The following CNTN5 variants were observed in gnomAD, a reference collection of about 807,000 sequenced individuals.
CNTN5 encodes the protein contactin-5.
In CNTN5, 77 loss-of-function variants were observed where a neutral mutation model predicts 129.1. That is an observed-to-expected ratio of 0.60 (90% CI 0.50 to 0.72). The LOEUF is 0.72. Among genes scored for constraint, CNTN5 ranks in the 30% least tolerant of loss-of-function variants. The pLI is 0.00. For synonymous variants in CNTN5, 509 were observed against 465.6 expected (o/e 1.09, Z -1.20); for missense variants, 1,478 against 1,328.8 (o/e 1.11, Z -1.75).
At chr11:100,310,859 G>A (rs1951457094) in intron 21 of CNTN5, among the ~76,000 whole-genome samples, 2 of 151,934 alleles carry the variant, frequency 1.3e-5, no homozygotes, top group Non-Finnish European at 2.9e-5. Flanking sequence ...AGAATAGGAA[G>A]TGAATGATTT....
chr11:99,973,630 T>G (rs1937732324), intron 8 of CNTN5, among the ~76,000 whole-genome samples: 1 of 152,218 alleles, frequency 6.6e-6, no homozygotes, highest in Admixed American at 6.5e-5. Context: ...CTCTCTGCAC[T>G]AATTCTCACG....
intron 1 of CNTN5, among the ~76,000 whole-genome samples, chr11:99,107,938 T>TAAAAAAAAA (rs55786739): frequency 9.7e-5 from 10 of 103,520 alleles, no homozygotes; most frequent in Non-Finnish European, 1.2e-4. Flanking sequence ...CTCAAAAAAG[T>TAAAAAAAAA]AAAAAAAAAA....
intron 1 of CNTN5, among the ~76,000 whole-genome samples, chr11:99,207,812 C>T (rs1859559480): frequency 6.6e-6 from 1 of 152,138 alleles, no homozygotes; most frequent in Non-Finnish European, 1.5e-5. Flanking sequence ...TGGCTGTCTA[C>T]ATCTTAGCAT....
chr11:100,341,360 T>C (rs1266818605), intron 23 of CNTN5, among the ~76,000 whole-genome samples, 155 bp downstream of exon 23: 1 of 152,142 alleles, frequency 6.6e-6, no homozygotes, highest in Non-Finnish European at 1.5e-5. Flanking sequence ...TTCCTATAGA[T>C]AGAGAAGCCA....
At chr11:99,039,136 T>G (rs899401946) in intron 1 of CNTN5, among the ~76,000 whole-genome samples, 1 of 152,122 alleles carries the variant, frequency 6.6e-6, no homozygotes, top group African/African-American at 2.4e-5. Flanking sequence ...AGTCCATTAA[T>G]TCAATTTCAT....
At chr11:99,348,180 A>C (rs1046727811) in intron 2 of CNTN5, among the ~76,000 whole-genome samples, 2 of 152,188 alleles carry the variant, frequency 1.3e-5, no homozygotes, top group Non-Finnish European at 2.9e-5. Context: ...TCTACTAAAA[A>C]TACAAAAAAT....
chr11:99,213,445 T>C (rs1428035008), intron 1 of CNTN5, among the ~76,000 whole-genome samples: 2 of 140,840 alleles, frequency 1.4e-5, no homozygotes, highest in African/African-American at 2.9e-5. Context: ...TATATACACA[T>C]ATATGTATAT....
At chr11:99,176,566 C>A (rs551791864) in intron 1 of CNTN5, among the ~76,000 whole-genome samples, 2 of 152,300 alleles carry the variant, frequency 1.3e-5, no homozygotes, top group African/African-American at 4.8e-5. Context: ...CTCCACATGT[C>A]CAGTTGAGAG....
chr11:99,649,760 G>A (rs1431577897), intron 3 of CNTN5, among the ~76,000 whole-genome samples: 3 of 151,656 alleles, frequency 2.0e-5, no homozygotes, highest in African/African-American at 7.2e-5. Flanking sequence ...TTCCTACAGA[G>A]CAAATAGTTT....
At chr11:99,470,925 T>C (rs1171519201) in intron 2 of CNTN5, among the ~76,000 whole-genome samples, 3 of 152,098 alleles carry the variant, frequency 2.0e-5, no homozygotes, top group Non-Finnish European at 2.9e-5. Context: ...AAAAGTTAGG[T>C]AGATCTTATT....
intron 3 of CNTN5, among the ~76,000 whole-genome samples, chr11:99,711,195 A>G (rs1954973070): frequency 6.6e-6 from 1 of 151,934 alleles, no homozygotes; most frequent in South Asian, 2.1e-4. Flanking sequence ...TTGTGTAGAA[A>G]GGTAATGTTG....
intron 3 of CNTN5, among the ~76,000 whole-genome samples, chr11:99,676,549 C>G (rs1375809487): frequency 6.6e-6 from 1 of 152,186 alleles, no homozygotes; most frequent in Non-Finnish European, 1.5e-5. Flanking sequence ...AATAAAATTT[C>G]AAGGGCTTCT....
intron 1 of CNTN5, among the ~76,000 whole-genome samples, chr11:99,236,761 C>T (rs2135744772): frequency 6.6e-6 from 1 of 152,162 alleles, no homozygotes; most frequent in African/African-American, 2.4e-5. Context: ...AGTAACTGCT[C>T]ACTATTTTTA....
At chr11:99,657,085 A>C (rs1477620421) in intron 3 of CNTN5, among the ~76,000 whole-genome samples, 1 of 151,244 alleles carries the variant, frequency 6.6e-6, no homozygotes, top group East Asian at 1.9e-4. Context: ...AAAAAGAGAA[A>C]AAAAATAAAT....
chr11:100,011,798 G>C (rs779419779), intron 9 of CNTN5, among the ~76,000 whole-genome samples: 1 of 152,084 alleles, frequency 6.6e-6, no homozygotes, highest in Non-Finnish European at 1.5e-5. Flanking sequence ...TATTTTTGCT[G>C]TAGTTTATGT....
chr11:99,543,226 C>A (rs1948172567), intron 2 of CNTN5, among the ~76,000 whole-genome samples: 1 of 152,140 alleles, frequency 6.6e-6, no homozygotes, highest in African/African-American at 2.4e-5. Flanking sequence ...TCTTGGACTT[C>A]AGAAATGAAG....
chr11:100,305,880 A>T (rs1240916018), intron 20 of CNTN5, among the ~76,000 whole-genome samples: 1 of 151,252 alleles, frequency 6.6e-6, no homozygotes, highest in Admixed American at 6.6e-5. Flanking sequence ...CCTGGGCCAC[A>T]CTGGAAGAAG....
Position 100,191,173 on chromosome 11 carries a change from A to G in CNTN5, c.1628A>G (p.Lys543Arg). The part of the protein sequence containing the change: ...DGSLRILNAS[K>R]SDEGKYVCRG... ...AGTCTACGGATCCTAAATGCTTCCA[A>G]ATCAGACGAGGGAAAGTACGTTTGC... The change falls in exon 14 of 25, where the codon AAA becomes AGA. Residue 543 changes from lysine to arginine, a missense_variant. Transcript: ENST00000524871. The G allele has an allele frequency of 6.2e-7, 1 of 1,611,626 alleles. No homozygotes were observed. Among genetic ancestry groups the G allele is most frequent in the Non-Finnish European group, 8.5e-7 (1 of 1,178,194 alleles).
chr11:99,562,096 GTC>G (rs971982000), intron 3 of CNTN5, among the ~76,000 whole-genome samples: 2 of 151,626 alleles, frequency 1.3e-5, no homozygotes, highest in Non-Finnish European at 1.5e-5. Context: ...TTGTAAGAGT[GTC>G]TCTCTCTCTC....
Sources: gnomAD v4.1 joint callset for allele counts (sites outside exome capture counted in the v4.1 genomes callset) on GRCh38, gnomAD v4.1.1 for gene constraint, MANE v1.5 for transcripts, NCBI Gene and HGNC (gene_info 2026-07-23, HGNC 2026-07-21) for gene names.